Variants in SERPINA12 observed in about 807,000 individuals in gnomAD.
SERPINA12 encodes serpin A12.
SERPINA12 carries 21 observed loss-of-function variants against 25.9 expected under a neutral mutation model. The ratio of observed to expected loss-of-function variants is 0.81; its 90% CI spans 0.58 to 1.17. The LOEUF is 1.17. Among genes scored for constraint, SERPINA12 ranks in the 50% most tolerant of loss-of-function variants. SERPINA12 has a pLI of 0.00. For missense variants in SERPINA12, 562 were observed against 508.3 expected (o/e 1.11, Z -1.02); for synonymous variants, 220 against 196.0 (o/e 1.12, Z -1.02).
At chr14:94,504,251 G>C (rs1900854405) in intron 1 of SERPINA12, 1 of 152,218 alleles carries the variant, frequency 6.6e-6, no homozygotes, top group African/African-American at 2.4e-5. Context: ...GTATGGGCAG[G>C]TGATGGAGGC....
At chr14:94,495,575 T>C (rs1900383143) in intron 3 of SERPINA12, among the ~76,000 whole-genome samples, 1 of 152,170 alleles carries the variant, frequency 6.6e-6, no homozygotes, top group Non-Finnish European at 1.5e-5. Flanking sequence ...AGGTTCTTAG[T>C]AAATACCTTT....
upstream of SERPINA12, among the ~76,000 whole-genome samples, chr14:94,512,346 T>C (rs1227064701): frequency 1.3e-5 from 2 of 152,222 alleles, no homozygotes; most frequent in East Asian, 3.8e-4. Flanking sequence ...AGTATTTCCA[T>C]CTGCCCAATG....
chr14:94,497,651 A>G lies in SERPINA12; in HGVS notation c.634+113T>C, dbSNP rs568121446. 25 of 968,368 alleles carry G rather than the reference A, an allele frequency of 2.6e-5. No individual in the cohort carries two copies. In the African/African-American group the frequency reaches 3.8e-4, roughly 15 times the overall value. The allele number at this position is 968,368 out of a possible 1,614,324, so 60.0% of individuals were successfully genotyped here. A position where few individuals can be genotyped will look rare whatever the true frequency, so the allele number is the denominator to read the frequency against. On this transcript the variant is annotated intron_variant, in intron 2 of 4. Transcript: ENST00000677451. Reference sequence around the variant, plus strand: ...GATAGGAAAAGTGAGGTTTTGAGAGATAAATCACATATGAATTCAAGGTCA... The same window carrying G: ...GATAGGAAAAGTGAGGTTTTGAGAGGTAAATCACATATGAATTCAAGGTCA...
intron 2 of SERPINA12, 147 bp downstream of exon 2, chr14:94,497,617 C>A (rs1900491860): frequency 8.6e-6 from 6 of 695,024 alleles, no homozygotes; most frequent in East Asian, 2.7e-5. Context: ...TCATGGTAAC[C>A]ATTTTACAGA....
At chr14:94,510,666 C>T (rs370508040), upstream of SERPINA12, among the ~76,000 whole-genome samples, 10 of 152,048 alleles carry the variant, frequency 6.6e-5, no homozygotes, top group African/African-American at 1.7e-4. Flanking sequence ...ACACATGTTG[C>T]GTAATTTCAA....
intron 3 of SERPINA12, among the ~76,000 whole-genome samples, chr14:94,490,604 C>T (rs1289781974): frequency 1.3e-5 from 2 of 152,050 alleles, no homozygotes; most frequent in East Asian, 1.9e-4. Flanking sequence ...CAAAAACTAA[C>T]ACCAAGAGAT....
At chr14:94,487,607 C>T (rs1302989243) in intron 4 of SERPINA12, 113 bp from the exon 5 acceptor site, 3 of 801,886 alleles carry the variant, frequency 3.7e-6, no homozygotes, top group Non-Finnish European at 5.8e-6. Context: ...CCATCCAGCA[C>T]AGCAGTAACT....
At chr14:94,499,887 G>A (rs986293373) in intron 1 of SERPINA12, among the ~76,000 whole-genome samples, 5 of 152,154 alleles carry the variant, frequency 3.3e-5, no homozygotes, top group Admixed American at 6.5e-5. Flanking sequence ...GCAGGTCATG[G>A]TGCATAACTG....
intron 3 of SERPINA12, 116 bp from the exon 4 acceptor site, chr14:94,489,883 C>G: frequency 9.7e-7 from 1 of 1,032,300 alleles, no homozygotes; most frequent in South Asian, 1.6e-5. Context: ...TCTCCAATCT[C>G]TCTCCATCCA....
chr14:94,503,824 A>C (rs992821341), intron 1 of SERPINA12, among the ~76,000 whole-genome samples: 2 of 152,256 alleles, frequency 1.3e-5, no homozygotes, highest in Non-Finnish European at 2.9e-5. Flanking sequence ...GACTGTGGCC[A>C]GCATCATGCA....
At chr14:94,504,439 A>T (rs1900861637) in intron 1 of SERPINA12, among the ~76,000 whole-genome samples, 1 of 152,248 alleles carries the variant, frequency 6.6e-6, no homozygotes, top group African/African-American at 2.4e-5. Flanking sequence ...ATAGTCTACA[A>T]GTAGATGAGC....
At position 94,496,267 on chromosome 14, in the gene SERPINA12, A is replaced by G; in HGVS notation, c.905+106T>C. ...ATTCTCACCATGATATAAGTTTATTATAGAGCCCAGAAGAGGACTTGGCCA... is the reference window on the plus strand; with the variant it reads ...ATTCTCACCATGATATAAGTTTATTGTAGAGCCCAGAAGAGGACTTGGCCA... On this transcript the variant is annotated intron_variant, in intron 3 of 4. Transcript: ENST00000677451. 3.7e-6 allele frequency: 4 copies of G among 1,082,260 alleles called. 1 individual carries two copies. The South Asian group carries it at 5.8e-5, about 16-fold the overall frequency. The allele number at this position is 1,082,260 out of a possible 1,614,324, so 67.0% of individuals were successfully genotyped here. A position where few individuals can be genotyped will look rare whatever the true frequency, so the allele number is the denominator to read the frequency against.
intron 3 of SERPINA12, among the ~76,000 whole-genome samples, chr14:94,492,916 A>C (rs976107860): frequency 2.6e-5 from 4 of 152,220 alleles, no homozygotes; most frequent in Non-Finnish European, 5.9e-5. Context: ...CAAATTATGC[A>C]AATCCAAAGC....
chr14:94,495,629 G>T (rs1900385180), intron 3 of SERPINA12, among the ~76,000 whole-genome samples: 1 of 152,168 alleles, frequency 6.6e-6, no homozygotes, highest in African/African-American at 2.4e-5. Flanking sequence ...GGTGGAAGAG[G>T]GAAAGAGAAC....
At position 94,509,324 on chromosome 14, in the gene SERPINA12, A is replaced by ACACACACACACT. The variant is rs1901042718; in HGVS notation, c.-34+17_-34+18insAGTGTGTGTGTG. Among the ~76,000 whole-genome samples, 1 of 146,158 alleles carries ACACACACACACT rather than the reference A, an allele frequency of 6.8e-6. No homozygotes were observed. Among genetic ancestry groups the ACACACACACACT allele is most frequent in the Admixed American group, 6.7e-5 (1 of 14,834 alleles). ...CACACACACACACACACACACACAC[A>ACACACACACACT]CTGCCCCTTGGACTAACCTCACCTC... On this transcript the variant is annotated intron_variant, in intron 1 of 4. Coordinates refer to ENST00000677451, the MANE Select transcript of SERPINA12 (RefSeq NM_001382267.1).
chr14:94,496,347 C>A (rs1170083952), intron 3 of SERPINA12, 26 bp downstream of exon 3: 1 of 1,613,394 alleles, frequency 6.2e-7, no homozygotes, highest in East Asian at 2.2e-5. Context: ...AAGGAAAAAG[C>A]TGCGAGGGCT....
At chr14:94,505,637 G>A (rs1250410654) in intron 1 of SERPINA12, among the ~76,000 whole-genome samples, 1 of 152,190 alleles carries the variant, frequency 6.6e-6, no homozygotes, top group Admixed American at 6.5e-5. Flanking sequence ...ATCCAGGTCT[G>A]TACATCTGGT....
Position 94,487,348 on chromosome 14 carries a change from A to C in SERPINA12, c.1200T>G (p.Pro400=). The change falls in exon 5 of 5, where the codon CCT becomes CCG. Residue 400 remains proline, a synonymous_variant. Coordinates refer to ENST00000677451, the MANE Select transcript of SERPINA12 (RefSeq NM_001382267.1). ...CAATCTTTCCCAGGAAGAGCACGGA[A>C]GGTATTTTCTCGCTGTAAATCAGCA... The part of the protein sequence containing the change: ...YLLLIYSEKI[P]SVLFLGKIVN... 1 of 1,614,098 alleles carries C rather than the reference A, an allele frequency of 6.2e-7. No homozygotes were observed. The highest frequency in any genetic ancestry group is 8.5e-7 in the Non-Finnish European group (1 of 1,179,986).
At chr14:94,517,226 G>C (rs908765652) in intron 1 of SERPINA12, among the ~76,000 whole-genome samples, 1 of 152,234 alleles carries the variant, frequency 6.6e-6, no homozygotes, top group Admixed American at 6.5e-5. Context: ...AGTGCCTGTC[G>C]CAGCAGGGAG....
Sources: allele counts gnomAD v4.1 joint callset (sites outside exome capture counted in the v4.1 genomes callset), GRCh38; gene constraint gnomAD v4.1.1; transcripts MANE v1.5; gene names NCBI Gene and HGNC (gene_info 2026-07-23, HGNC 2026-07-21).